The following LINGO1 variants were observed in gnomAD, a reference collection of about 807,000 sequenced individuals.
LINGO1 encodes leucine-rich repeat and immunoglobulin-like domain-containing nogo receptor-interacting protein 1.
Under a neutral mutation model 37.3 loss-of-function variants are expected in LINGO1, and 11 were observed. The observed-to-expected ratio is 0.29, with a 90% CI of 0.19 to 0.49. LINGO1 has a LOEUF of 0.49. LINGO1 is among the 20% of genes least tolerant of loss of function. The pLI is 0.99. For synonymous variants in LINGO1, 387 were observed against 403.0 expected, an observed-to-expected ratio of 0.96 and a Z score of 0.48; for missense variants, 585 against 878.2, an observed-to-expected ratio of 0.67 and a Z score of 4.22.
intron 2 of LINGO1, among the ~76,000 whole-genome samples, chr15:77,681,139 G>T (rs778715484): frequency 6.6e-6 from 1 of 152,038 alleles, no homozygotes; most frequent in Non-Finnish European, 1.5e-5. Flanking sequence ...AGCAGTCTCT[G>T]CTCCATTCTT....
At chr15:77,819,178 C>T (rs2141493316) in intron 1 of LINGO1, 1 of 122,088 alleles carries the variant, frequency 8.2e-6, no homozygotes. Context: ...AGGCCGCGCG[C>T]GCCGCGCCGC....
At chr15:77,804,228 A>C (rs1373726215) in intron 1 of LINGO1, among the ~76,000 whole-genome samples, 1 of 152,182 alleles carries the variant, frequency 6.6e-6, no homozygotes, top group Non-Finnish European at 1.5e-5. Flanking sequence ...AGATTCCTCC[A>C]GGTGCCCCCA....
At chr15:77,755,767 G>C (rs2076412950) in intron 1 of LINGO1, among the ~76,000 whole-genome samples, 2 of 152,120 alleles carry the variant, frequency 1.3e-5, no homozygotes. Context: ...CTGTGCCTTT[G>C]TCAGTGGCCC....
At chr15:77,751,585 G>A (rs1008534137) in intron 1 of LINGO1, among the ~76,000 whole-genome samples, 1 of 152,092 alleles carries the variant, frequency 6.6e-6, no homozygotes, top group African/African-American at 2.4e-5. Context: ...CCTGGAGAAG[G>A]GTCAGTGCTT....
chr15:77,752,947 A>G (rs1021527343), intron 1 of LINGO1, among the ~76,000 whole-genome samples: 1 of 152,162 alleles, frequency 6.6e-6, no homozygotes, highest in Non-Finnish European at 1.5e-5. Context: ...GCTGGGTGCC[A>G]CTTCCTCCAA....
chr15:77,705,349 C>A (rs969577161), intron 2 of LINGO1, among the ~76,000 whole-genome samples: 1 of 152,158 alleles, frequency 6.6e-6, no homozygotes, highest in Non-Finnish European at 1.5e-5. Context: ...CCTGGAATGC[C>A]GGAAGGAAAG....
chr15:77,813,451 C>G (rs894489292), intron 1 of LINGO1, among the ~76,000 whole-genome samples: 6 of 152,118 alleles, frequency 3.9e-5, no homozygotes, highest in Non-Finnish European at 5.9e-5. Context: ...GAACGCCAGC[C>G]TGGAGGTAAC....
intron 1 of LINGO1, among the ~76,000 whole-genome samples, chr15:77,815,102 C>G (rs2077036661): frequency 6.6e-6 from 1 of 152,248 alleles, no homozygotes; most frequent in African/African-American, 2.4e-5. Context: ...TTAGCCTCCT[C>G]TCGCCCTGAC....
Position 77,656,775 on chromosome 15 carries a change from A to C in LINGO1, c.-13+20314T>G, listed in dbSNP as rs79131999. Among the ~76,000 whole-genome samples, 1,008 of 152,272 alleles carry C rather than the reference A, an allele frequency of 6.6e-3. 36 individuals carry two copies. Among genetic ancestry groups the C allele is most frequent in the Admixed American group, 0.054 (829 of 15,304 alleles). On this transcript the variant is annotated intron_variant, in intron 3 of 3. Transcript: ENST00000559893. ...GTCCCTCTGGCTTTGTCCATGATAC[A>C]TGCCCTGGACTTTGGGAGTTCCATG...
chr15:77,646,108 G>T (rs953459343), intron 3 of LINGO1, among the ~76,000 whole-genome samples: 5 of 152,212 alleles, frequency 3.3e-5, no homozygotes, highest in African/African-American at 4.8e-5. Flanking sequence ...GGCGTGTGAT[G>T]GAACAGACAC....
intron 3 of LINGO1, among the ~76,000 whole-genome samples, chr15:77,640,994 G>C (rs564654140): frequency 6.6e-6 from 1 of 152,334 alleles, no homozygotes; most frequent in East Asian, 1.9e-4. Context: ...ACAGCAGGCA[G>C]GTCAGACATC....
Position 77,654,649 on chromosome 15 carries a change from G to A in LINGO1, c.-13+22440C>T, listed in dbSNP as rs553667410. 2.6e-4 allele frequency among the ~76,000 whole-genome samples: 39 copies of A among 152,262 alleles called. No homozygotes were observed. The South Asian group carries it at 6.4e-3, about 25-fold the overall frequency. On this transcript the variant is annotated intron_variant, in intron 3 of 3. Coordinates refer to the LINGO1 transcript ENST00000559893. ...GTGAGAGGTGGAGGGAGTCATGGGA[G>A]AGAGACCTGGAGAGGTCAATGGAAA...
chr15:77,810,899 G>A (rs557351793), intron 1 of LINGO1, among the ~76,000 whole-genome samples: 3 of 152,156 alleles, frequency 2.0e-5, no homozygotes, highest in Non-Finnish European at 2.9e-5. Context: ...GCAGGAGGCC[G>A]GAAGACAAAG....
At chr15:77,755,135 A>G (rs2076407602) in intron 1 of LINGO1, among the ~76,000 whole-genome samples, 1 of 152,186 alleles carries the variant, frequency 6.6e-6, no homozygotes, top group African/African-American at 2.4e-5. Context: ...GTCCCCACTC[A>G]GTTCGCTTCA....
chr15:77,645,299 C>T lies in LINGO1; in HGVS notation c.-12-29399G>A, dbSNP rs558210614. Among the ~76,000 whole-genome samples the T allele has an allele frequency of 4.7e-4, 71 of 152,086 alleles. 1 individual carries two copies. The highest frequency in any genetic ancestry group is 4.3e-3 in the Admixed American group (66 of 15,298). ...GGACTCCACACATCACAGCCCAAGA[C>T]GCTGGGACAGCAGGCCCCAGGGCCC... On this transcript the variant is annotated intron_variant, in intron 3 of 3. Coordinates refer to the LINGO1 transcript ENST00000559893.
At chr15:77,697,393 G>C (rs2075710520), upstream of LINGO1, among the ~76,000 whole-genome samples, 1 of 152,184 alleles carries the variant, frequency 6.6e-6, no homozygotes, top group Admixed American at 6.5e-5. Flanking sequence ...CACTGCTGTT[G>C]CAGGGCCTGC....
At chr15:77,616,483 C>G (rs1761798965) in intron 1 of LINGO1, among the ~76,000 whole-genome samples, 1 of 152,232 alleles carries the variant, frequency 6.6e-6, no homozygotes, top group African/African-American at 2.4e-5. Flanking sequence ...GCCATGCCCC[C>G]TCCCCATCAG....
rs1051132288 is a variant in LINGO1, at chr15:77,673,897, G to A, written c.-13+3192C>T. ...GGCTGTGCACTCAGAAGGGCCCCAG[G>A]CTTCCTTTAACGCTCTATTGTCACC... On this transcript the variant is annotated intron_variant, in intron 3 of 3. Transcript: ENST00000559893. Among the ~76,000 whole-genome samples, 12 of 152,042 alleles carry A rather than the reference G, an allele frequency of 7.9e-5. No homozygotes were observed. The East Asian group carries it at 2.1e-3, about 27-fold the overall frequency.
chr15:77,625,370 C>T (rs1297274148), intron 1 of LINGO1, among the ~76,000 whole-genome samples: 1 of 152,146 alleles, frequency 6.6e-6, no homozygotes, highest in African/African-American at 2.4e-5. Flanking sequence ...TCACACCAAC[C>T]CATTGAGGTA....
Sources: gnomAD v4.1 joint callset for allele counts (sites outside exome capture counted in the v4.1 genomes callset) on GRCh38, gnomAD v4.1.1 for gene constraint, MANE v1.5 for transcripts, NCBI Gene and HGNC (gene_info 2026-07-23, HGNC 2026-07-21) for gene names.